GTPBP4: variants seen among roughly 807,000 people sequenced by gnomAD.
The protein encoded by GTPBP4 is GTP binding protein 4, also known as GTP-binding protein 4.
GTPBP4 carries 15 observed loss-of-function variants against 81.7 expected under a neutral mutation model. That is an observed-to-expected ratio of 0.18 (90% CI 0.12 to 0.28). The LOEUF (loss-of-function observed/expected upper bound fraction) is 0.28, where lower values mean the gene tolerates loss of function less well. Among genes scored for constraint, GTPBP4 ranks in the 10% least tolerant of loss-of-function variants. GTPBP4 has a pLI of 1.00. For synonymous variants in GTPBP4, 272 were observed against 274.6 expected, an observed-to-expected ratio of 0.99 and a Z score of 0.09; for missense variants, 847 against 793.8, an observed-to-expected ratio of 1.07 and a Z score of -0.81.
chr10:1,005,061 G>A (rs983564279), intron 8 of GTPBP4, among the ~76,000 whole-genome samples: 3 of 152,278 alleles, frequency 2.0e-5, no homozygotes, highest in Middle Eastern at 3.4e-3. Flanking sequence ...CCCCCTCACC[G>A]TAGGGAGAAC....
Position 1,016,322 on chromosome 10 carries a change from C to T in GTPBP4, c.1752+426C>T, listed in dbSNP as rs11250221. On this transcript the variant is annotated intron_variant, in intron 16 of 16. Transcript: ENST00000360803. Reference sequence around the variant, plus strand: ...CTCATCCTTAGGTTGCAGGATTGTTCCCCCCAGGTGGAGAGCTTGAGTCAC... The same window carrying T: ...CTCATCCTTAGGTTGCAGGATTGTTTCCCCCAGGTGGAGAGCTTGAGTCAC... Among the ~76,000 whole-genome samples the T allele has an allele frequency of 5.2e-3, 798 of 152,300 alleles. 10 individuals carry two copies. The highest frequency in any genetic ancestry group is 0.018 in the African/African-American group (757 of 41,570).
At chr10:1,000,382 T>G (rs1175146660) in intron 6 of GTPBP4, among the ~76,000 whole-genome samples, 4 of 150,980 alleles carry the variant, frequency 2.6e-5, no homozygotes, top group African/African-American at 9.7e-5. Context: ...GGACTACAGG[T>G]GCCCGCCACC....
At position 1,009,034 on chromosome 10, in the gene GTPBP4, G is replaced by C; in HGVS notation, c.1190G>C (p.Arg397Thr). 2 of 1,606,020 alleles carry C rather than the reference G, an allele frequency of 1.2e-6. No individual in the cohort carries two copies. The highest frequency in any genetic ancestry group is 8.5e-7 in the Non-Finnish European group (1 of 1,172,576). The change falls in exon 11 of 17, where the codon AGG becomes ACG. Residue 397 changes from arginine (R) to threonine (T), a missense_variant and splice_region_variant. Transcript: ENST00000360803. The part of the protein sequence containing the change: ...RMETEESRKK[R>T]ERDLELEMGD... The stretch of plus-strand genomic sequence containing the variant: ...GAAACTGAGGAGTCCAGGAAGAAGA[G>C]GGTATGCTGCCGAAGCTCTCGCCCA...
chr10:990,245 T>C (rs533001175), intron 1 of GTPBP4, among the ~76,000 whole-genome samples: 2 of 152,138 alleles, frequency 1.3e-5, no homozygotes, highest in East Asian at 1.9e-4. Flanking sequence ...AGATGACTTA[T>C]CTAAAAACTG....
intron 15 of GTPBP4, among the ~76,000 whole-genome samples, chr10:1,015,263 G>T (rs202167497): frequency 2.0e-4 from 30 of 152,332 alleles, no homozygotes; most frequent in African/African-American, 6.7e-4. Flanking sequence ...AAAATACTGC[G>T]TGTATTTTCA....
At chr10:1,009,089 G>T (rs1397364582) in intron 11 of GTPBP4, 54 bp downstream of exon 11, 15 of 1,333,082 alleles carry the variant, frequency 1.1e-5, no homozygotes, top group Non-Finnish European at 1.6e-5. Flanking sequence ...CAGGCTGTGT[G>T]TGCCCATCGT....
chr10:997,239 T>C lies in GTPBP4; in HGVS notation c.492T>C (p.Ile164=). 1 of 1,607,370 alleles carries C rather than the reference T, an allele frequency of 6.2e-7. No homozygotes were observed. The highest frequency in any genetic ancestry group is 8.5e-7 in the Non-Finnish European group (1 of 1,173,758). ...VRQHLSRLPT[I]DPNTRTLLLC... ...AGCATTTATCCCGTTTGCCAACCAT[T>C]GATCCGAATACCAGGACCCTGCTTT... The change falls in exon 5 of 17, where the codon ATT becomes ATC. Residue 164 remains isoleucine, a synonymous_variant. Transcript: ENST00000360803.
At chr10:1,001,698 TTACA>T (rs1477534633) in intron 8 of GTPBP4, among the ~76,000 whole-genome samples, 2 of 111,414 alleles carry the variant, frequency 1.8e-5, no homozygotes, top group Non-Finnish European at 3.9e-5. Context: ...TTTTTTTTTT[TTACA>T]GTTTTGAAAG....
At chr10:990,275 T>G (rs1831418616) in intron 1 of GTPBP4, among the ~76,000 whole-genome samples, 1 of 151,778 alleles carries the variant, frequency 6.6e-6, no homozygotes, top group Non-Finnish European at 1.5e-5. Flanking sequence ...AATTGTTTGG[T>G]GATTGGAAGT....
intron 12 of GTPBP4, 72 bp downstream of exon 12, chr10:1,009,652 GA>G: frequency 1.1e-6 from 1 of 873,806 alleles, no homozygotes; most frequent in Admixed American, 1.8e-5. Context: ...ATGGGGGAAA[GA>G]CTTTAATAAG....
chr10:1,006,569 C>T (rs561779537), intron 9 of GTPBP4, among the ~76,000 whole-genome samples: 35 of 152,224 alleles, frequency 2.3e-4, no homozygotes, highest in African/African-American at 6.3e-4. Context: ...ACCTGGGAGG[C>T]GGAGGTTGCT....
At chr10:1,008,912 A>G in intron 10 of GTPBP4, 46 bp from the exon 11 acceptor site, 1 of 1,412,026 alleles carries the variant, frequency 7.1e-7, no homozygotes, top group Non-Finnish European at 1.0e-6. Flanking sequence ...TAAGTTTCTC[A>G]TTCAGCAGGC....
chr10:997,854 G>A (rs1016538097), intron 5 of GTPBP4, among the ~76,000 whole-genome samples: 1 of 152,064 alleles, frequency 6.6e-6, no homozygotes, highest in African/African-American at 2.4e-5. Context: ...GGACGGTGCC[G>A]AGTCGCTCTT....
At chr10:1,016,335 G>A (rs1463615086) in intron 16 of GTPBP4, among the ~76,000 whole-genome samples, 1 of 152,248 alleles carries the variant, frequency 6.6e-6, no homozygotes, top group Non-Finnish European at 1.5e-5. Context: ...CCCAGGTGGA[G>A]AGCTTGAGTC....
intron 6 of GTPBP4, among the ~76,000 whole-genome samples, chr10:1,000,235 CTTTTTTTTTTTT>C (rs11331615): frequency 2.0e-5 from 1 of 49,266 alleles, no homozygotes; most frequent in South Asian, 1.1e-3. Context: ...GGGAGACCTA[CTTTTTTTTTTTT>C]TTTTTTTTTT....
intron 10 of GTPBP4, chr10:1,007,887 A>G (rs762619987): frequency 9.7e-6 from 5 of 516,530 alleles, no homozygotes; most frequent in South Asian, 2.8e-5. Context: ...GGCCTTTTCA[A>G]AGTTCTTTAG....
At chr10:996,748 A>G (rs1831544092) in intron 4 of GTPBP4, 1 of 159,686 alleles carries the variant, frequency 6.3e-6, no homozygotes, top group Non-Finnish European at 1.4e-5. Flanking sequence ...GTGCTTTGCT[A>G]CAGATCTGTG....
rs368201188 is a variant in GTPBP4 at position 1,019,848 on chromosome 10, T to C, written c.*2621T>C. 1.7e-4 allele frequency: 270 copies of C among 1,591,144 alleles called. 1 individual carries two copies. The South Asian group carries it at 2.5e-3, about 15-fold the overall frequency. The stretch of plus-strand genomic sequence containing the variant: ...CTCTGGAGAAATCTATTGACAGAAA[T>C]TGGTGCAGTGTTAACAACGCTAATG... On this transcript the variant is annotated 3_prime_UTR_variant, in exon 17 of 17. Transcript: ENST00000360803.
chr10:1,001,818 A>G (rs1831639234), intron 8 of GTPBP4, among the ~76,000 whole-genome samples: 1 of 151,710 alleles, frequency 6.6e-6, no homozygotes, highest in African/African-American at 2.4e-5. Flanking sequence ...CATATGGTCT[A>G]TCCTGGAGAA....
Sources: allele counts gnomAD v4.1 joint callset (sites outside exome capture counted in the v4.1 genomes callset), GRCh38; gene constraint gnomAD v4.1.1; transcripts MANE v1.5; gene names NCBI Gene and HGNC (gene_info 2026-07-23, HGNC 2026-07-21).